Variants in PCDH9 observed in about 807,000 individuals in gnomAD.
The protein encoded by PCDH9 is protocadherin-9.
Under a neutral mutation model 70.6 loss-of-function variants are expected in PCDH9, and 24 were observed. That is an observed-to-expected ratio of 0.34 (90% CI 0.25 to 0.48). The LOEUF is 0.48. Among genes scored for constraint, PCDH9 ranks in the 20% least tolerant of loss-of-function variants. PCDH9 has a pLI of 0.99. For synonymous variants in PCDH9, 562 were observed against 558.5 expected (o/e 1.01, Z -0.09); for missense variants, 1,281 against 1,503.6 (o/e 0.85, Z 2.45).
intron 2 of PCDH9, among the ~76,000 whole-genome samples, chr13:66,934,346 C>A (rs1472850724): frequency 6.6e-6 from 1 of 151,732 alleles, no homozygotes; most frequent in African/African-American, 2.4e-5. Flanking sequence ...AGTCTGGCCA[C>A]CTTGGTGAAA....
intron 3 of PCDH9, among the ~76,000 whole-genome samples, chr13:66,858,041 C>T (rs757184409): frequency 1.6e-4 from 24 of 152,138 alleles, no homozygotes; most frequent in Non-Finnish European, 3.4e-4. Flanking sequence ...TTCCTTTCAT[C>T]AAATTAGTTA....
intron 4 of PCDH9, among the ~76,000 whole-genome samples, chr13:66,341,797 G>T (rs554328527): frequency 6.6e-6 from 1 of 152,256 alleles, no homozygotes; most frequent in African/African-American, 2.4e-5. Flanking sequence ...CCAGAACGAG[G>T]CCATGGTCAG....
chr13:67,139,776 A>G (rs981420039), intron 2 of PCDH9, among the ~76,000 whole-genome samples: 2 of 152,302 alleles, frequency 1.3e-5, no homozygotes, highest in Admixed American at 1.3e-4. Context: ...GACTCTGCAT[A>G]TGAACCCTTG....
At chr13:66,930,542 A>G (rs2082789731) in intron 2 of PCDH9, among the ~76,000 whole-genome samples, 1 of 152,082 alleles carries the variant, frequency 6.6e-6, no homozygotes, top group African/African-American at 2.4e-5. Context: ...ATTTTATGAA[A>G]CCATTTTTAC....
intron 4 of PCDH9, among the ~76,000 whole-genome samples, chr13:66,571,516 A>G (rs2076732503): frequency 6.6e-6 from 1 of 151,950 alleles, no homozygotes; most frequent in Non-Finnish European, 1.5e-5. Flanking sequence ...AATGGCACTA[A>G]TGTTCTTTTT....
intron 4 of PCDH9, among the ~76,000 whole-genome samples, chr13:66,566,115 C>T (rs977486023): frequency 3.3e-5 from 5 of 152,170 alleles, no homozygotes; most frequent in Non-Finnish European, 7.4e-5. Context: ...GTGGCAGTGT[C>T]TGAAAGAACT....
chr13:67,218,302 G>A (rs1047029140), intron 2 of PCDH9: 6 of 151,928 alleles, frequency 3.9e-5, no homozygotes, highest in East Asian at 1.9e-4. Flanking sequence ...GCTTATTTCC[G>A]ACTAAAATAA....
chr13:66,932,695 C>CAT (rs2082836130), intron 2 of PCDH9, among the ~76,000 whole-genome samples: 1 of 113,106 alleles, frequency 8.8e-6, no homozygotes, highest in African/African-American at 4.0e-5. Flanking sequence ...CACACACACA[C>CAT]GTATGTATAT....
intron 2 of PCDH9, among the ~76,000 whole-genome samples, chr13:67,061,883 G>T (rs530225847): frequency 6.6e-6 from 1 of 152,188 alleles, no homozygotes; most frequent in South Asian, 2.1e-4. Context: ...AAAGGCAAAA[G>T]GACTGAAATA....
chr13:66,491,385 T>TTGTGTGTGCGTGTG (rs1555299290), intron 4 of PCDH9, among the ~76,000 whole-genome samples: 1 of 136,030 alleles, frequency 7.4e-6, no homozygotes, highest in Non-Finnish European at 1.6e-5. Context: ...GCAGGAGATA[T>TTGTGTGTGCGTGTG]TGTGTGTGTG....
chr13:66,922,531 T>C (rs1324097150), intron 2 of PCDH9, among the ~76,000 whole-genome samples: 2 of 151,478 alleles, frequency 1.3e-5, no homozygotes, highest in Non-Finnish European at 3.0e-5. Context: ...AGGACAAACT[T>C]ATTCCAACAA....
chr13:66,615,206 T>C (rs2077340968), intron 4 of PCDH9, among the ~76,000 whole-genome samples: 1 of 152,246 alleles, frequency 6.6e-6, no homozygotes, highest in South Asian at 2.1e-4. Context: ...GAGAAGTTAC[T>C]ATGTATTCCT....
At chr13:66,514,044 T>C (rs1217969754) in intron 4 of PCDH9, among the ~76,000 whole-genome samples, 1 of 152,094 alleles carries the variant, frequency 6.6e-6, no homozygotes, top group Non-Finnish European at 1.5e-5. Flanking sequence ...CACATCCACA[T>C]ATTAGGAAGT....
At chr13:66,856,403 A>C (rs2081395186) in intron 3 of PCDH9, among the ~76,000 whole-genome samples, 1 of 152,098 alleles carries the variant, frequency 6.6e-6, no homozygotes, top group Non-Finnish European at 1.5e-5. Flanking sequence ...CAAAGTAATA[A>C]TTAGTTTCTC....
chr13:66,479,191 T>C (rs538272483), intron 4 of PCDH9, among the ~76,000 whole-genome samples: 2 of 152,214 alleles, frequency 1.3e-5, no homozygotes, highest in South Asian at 4.1e-4. Context: ...AAGCCCACCA[T>C]TGAGACTCTG....
intron 2 of PCDH9, among the ~76,000 whole-genome samples, chr13:67,127,445 C>T (rs1366806080): frequency 6.6e-6 from 1 of 152,094 alleles, no homozygotes; most frequent in African/African-American, 2.4e-5. Context: ...GTATACATCT[C>T]TATGAGATGA....
intron 3 of PCDH9, among the ~76,000 whole-genome samples, chr13:66,793,539 G>T (rs1386990924): frequency 6.6e-6 from 1 of 151,992 alleles, no homozygotes; most frequent in African/African-American, 2.4e-5. Flanking sequence ...CAACTTTCAT[G>T]TTGTCTTTCA....
At chr13:66,828,542 C>T (rs146678430) in intron 3 of PCDH9, among the ~76,000 whole-genome samples, 98 of 152,182 alleles carry the variant, frequency 6.4e-4, no homozygotes, top group Non-Finnish European at 1.2e-3. Flanking sequence ...TACTGCATAT[C>T]ATAAATCATC....
rs531155868 is a variant in PCDH9, at chr13:66,956,822, T to C, written c.3037-53217A>G. Among the ~76,000 whole-genome samples the C allele has an allele frequency of 3.9e-5, 6 of 152,240 alleles. No individual in the cohort carries two copies. In the South Asian group the frequency reaches 1.2e-3, roughly 32 times the overall value. ...AGTGTTTGTATATTCGGATAGGCCATTGTTGCTGTTTCGCACTCCACCCAC... is the reference window on the plus strand; with the variant it reads ...AGTGTTTGTATATTCGGATAGGCCACTGTTGCTGTTTCGCACTCCACCCAC... On this transcript the variant is annotated intron_variant, in intron 2 of 4. Transcript: ENST00000377865.
Sources: allele counts gnomAD v4.1 joint callset (sites outside exome capture counted in the v4.1 genomes callset), GRCh38; gene constraint gnomAD v4.1.1; transcripts MANE v1.5; gene names NCBI Gene and HGNC (gene_info 2026-07-23, HGNC 2026-07-21).